The following FXN variants were observed in gnomAD, a reference collection of about 807,000 sequenced individuals.
FXN encodes the protein frataxin, mitochondrial.
Under a neutral mutation model 22.4 loss-of-function variants are expected in FXN, and 14 were observed. The ratio of observed to expected loss-of-function variants is 0.62; its 90% CI spans 0.41 to 0.98. The LOEUF (loss-of-function observed/expected upper bound fraction) is 0.98. FXN is among the 50% of genes least tolerant of loss of function. The pLI is 0.00. For synonymous variants in FXN, 120 were observed against 114.1 expected (o/e 1.05, Z -0.33); for missense variants, 267 against 268.4 (o/e 0.99, Z 0.04).
At chr9:69,053,337 A>T in intron 3 of FXN, 77 bp downstream of exon 3, 4 of 1,476,426 alleles carry the variant, frequency 2.7e-6, no homozygotes, top group Non-Finnish European at 3.8e-6. Context: ...ATTTCCCTCC[A>T]GCAGAGCTAA....
rs1474576230 is a variant in FXN, at chr9:69,077,922, C to T, written c.*5160C>T. 1 of 978,094 alleles carries T rather than the reference C, an allele frequency of 1.0e-6. No homozygotes were observed. The highest frequency in any genetic ancestry group is 6.2e-5 in the Admixed American group (1 of 16,226). The allele number at this position is 978,094 out of a possible 1,614,324, so 60.6% of individuals were successfully genotyped here. On this transcript the variant is annotated 3_prime_UTR_variant, in exon 5 of 5. Transcript: ENST00000484259. ...TCCAGCCTGGGTGACAAGAGGGAAA[C>T]TCCATTAAAAAAATGTAATTCCCGT...
chr9:69,072,820 A>T lies in FXN; in HGVS notation c.*58A>T. The T allele has an allele frequency of 1.2e-6, 2 of 1,611,358 alleles. No individual in the cohort carries two copies. The highest frequency in any genetic ancestry group is 1.1e-5 in the South Asian group (1 of 90,936). On this transcript the variant is annotated 3_prime_UTR_variant, in exon 5 of 5. Coordinates refer to ENST00000484259, the MANE Select transcript of FXN (RefSeq NM_000144.5). ...ATCAGGCCAAGACCCCAGCTTCATT[A>T]TGCAGCTGAGGTCTGTTTTTTGTTG...
At chr9:69,035,970 G>A (rs1357140395) in intron 1 of FXN, 23 bp downstream of exon 1, 3 of 1,418,794 alleles carry the variant, frequency 2.1e-6, no homozygotes, top group Non-Finnish European at 2.7e-6. Flanking sequence ...GCCGGGAACA[G>A]CCGCGGGCCG....
intron 4 of FXN, among the ~76,000 whole-genome samples, chr9:69,067,511 G>A (rs954050006): frequency 9.9e-5 from 15 of 152,186 alleles, no homozygotes; most frequent in Non-Finnish European, 2.2e-4. Context: ...AGTGGCTGCC[G>A]AGCAGTTGGA....
intron 1 of FXN, among the ~76,000 whole-genome samples, chr9:69,042,331 G>A (rs1177563788): frequency 6.6e-6 from 1 of 151,672 alleles, no homozygotes; most frequent in Non-Finnish European, 1.5e-5. Context: ...CCTCCCTTAG[G>A]CAGAGGCGGA....
At position 69,078,533 on chromosome 9, in the gene FXN, C is replaced by T. The variant is rs1832411547; in HGVS notation, c.*5771C>T. On this transcript the variant is annotated 3_prime_UTR_variant, in exon 5 of 5. Coordinates refer to ENST00000484259, the MANE Select transcript of FXN (RefSeq NM_000144.5). ...TCTTGTCTGTAAAACCTAAGCAGGA[C>T]CAAGGCCAAGTTTCTTAGCCTGAAA... 1 of 985,552 alleles carries T rather than the reference C, an allele frequency of 1.0e-6. No individual in the cohort carries two copies. Among genetic ancestry groups the T allele is most frequent in the Non-Finnish European group, 1.2e-6 (1 of 829,944 alleles). The allele number at this position is 985,552 out of a possible 1,614,324, so 61.1% of individuals were successfully genotyped here. A position where few individuals can be genotyped will look rare whatever the true frequency, so the allele number is the denominator to read the frequency against.
chr9:69,075,514 G>A lies in FXN; in HGVS notation c.*2752G>A. 3.0e-6 allele frequency: 3 copies of A among 984,798 alleles called. No individual in the cohort carries two copies. The highest frequency in any genetic ancestry group is 5.2e-4 in the Middle Eastern group (1 of 1,916). The allele number at this position is 984,798 out of a possible 1,614,324, so 61.0% of individuals were successfully genotyped here. The stretch of plus-strand genomic sequence containing the variant: ...TCAAACACATGAACAGCAGCCAGGG[G>A]AAGAATCAAAATCATATTCTGTCAA... On this transcript the variant is annotated 3_prime_UTR_variant, in exon 5 of 5. Coordinates refer to ENST00000484259, the MANE Select transcript of FXN (RefSeq NM_000144.5).
At chr9:69,060,865 C>G (rs184122383) in intron 3 of FXN, among the ~76,000 whole-genome samples, 54 of 152,316 alleles carry the variant, frequency 3.5e-4, no homozygotes, top group South Asian at 1.4e-3. Context: ...CCTGCAGATG[C>G]TAGCATGAAA....
At chr9:69,055,048 A>G (rs1165481986) in intron 3 of FXN, among the ~76,000 whole-genome samples, 2 of 152,264 alleles carry the variant, frequency 1.3e-5, no homozygotes, top group East Asian at 3.8e-4. Flanking sequence ...AGGGAATTGA[A>G]AAAACAAAAA....
chr9:69,043,135 C>T (rs1365394673), intron 1 of FXN, among the ~76,000 whole-genome samples: 1 of 152,198 alleles, frequency 6.6e-6, no homozygotes, highest in African/African-American at 2.4e-5. Context: ...AATGTGAGCT[C>T]CTCCAGGCTC....
chr9:69,042,454 T>C (rs1831674976), intron 1 of FXN, among the ~76,000 whole-genome samples: 1 of 152,206 alleles, frequency 6.6e-6, no homozygotes, highest in Admixed American at 6.5e-5. Flanking sequence ...GTGAGGTTTG[T>C]TGTGAGTACC....
At chr9:69,046,327 A>G in intron 1 of FXN, 58 bp from the exon 2 acceptor site, 1 of 1,270,294 alleles carries the variant, frequency 7.9e-7, no homozygotes, top group Non-Finnish European at 1.1e-6. Flanking sequence ...TAAATTATGC[A>G]TTAATGGGTT....
rs181114629 is a variant in FXN at position 69,041,971 on chromosome 9, G to A, written c.166-4414G>A. ...AAGAACACTCATCATGGCCAGGTGC[G>A]GTGGCTTACGCCTGTAATCCCAGCA... On this transcript the variant is annotated intron_variant, in intron 1 of 4. Transcript: ENST00000484259. Among the ~76,000 whole-genome samples the A allele has an allele frequency of 4.6e-5, 7 of 152,240 alleles. 1 individual carries two copies. The highest frequency in any genetic ancestry group is 2.0e-4 in the Admixed American group (3 of 15,282).
At chr9:69,057,862 T>C (rs1406546662) in intron 3 of FXN, among the ~76,000 whole-genome samples, 1 of 152,140 alleles carries the variant, frequency 6.6e-6, no homozygotes, top group East Asian at 1.9e-4. Context: ...CTCTGTGTTA[T>C]AATTGTCTAT....
intron 3 of FXN, among the ~76,000 whole-genome samples, chr9:69,059,080 A>G (rs1832017710): frequency 1.3e-5 from 2 of 151,998 alleles, no homozygotes; most frequent in Admixed American, 1.3e-4. Context: ...AAAAAAAGAA[A>G]AGAAAAAGGA....
At chr9:69,044,747 G>C (rs1411390901) in intron 1 of FXN, among the ~76,000 whole-genome samples, 2 of 152,092 alleles carry the variant, frequency 1.3e-5, no homozygotes, top group African/African-American at 4.8e-5. Context: ...GCTCTTGTCT[G>C]ATTATTTCCT....
At position 69,076,233 on chromosome 9, in the gene FXN, A is replaced by AG. The variant is rs1832366139; in HGVS notation, c.*3471_*3472insG. On this transcript the variant is annotated 3_prime_UTR_variant, in exon 5 of 5. Coordinates refer to ENST00000484259, the MANE Select transcript of FXN (RefSeq NM_000144.5). ...TGGCCTCATGTTTTTTTTTTTTTTA[A>AG]TCTATAAAATGGAGATATCTAACAT... is the stretch of plus-strand genomic sequence containing the variant. 5 of 766,894 alleles carry AG rather than the reference A, an allele frequency of 6.5e-6. No individual in the cohort carries two copies. Among genetic ancestry groups the AG allele is most frequent in the South Asian group, 6.3e-5 (1 of 15,782 alleles). The allele number at this position is 766,894 out of a possible 1,614,324, so 47.5% of individuals were successfully genotyped here. A position where few individuals can be genotyped will look rare whatever the true frequency, so the allele number is the denominator to read the frequency against.
intron 4 of FXN, among the ~76,000 whole-genome samples, chr9:69,066,204 CTG>C (rs1211678648): frequency 1.8e-4 from 27 of 152,302 alleles, no homozygotes; most frequent in African/African-American, 5.8e-4. Context: ...AGCATGTTGA[CTG>C]TGAATTGGGA....
In FXN at chr9:69,076,010, G is replaced by C; in HGVS notation, c.*3248G>C. On this transcript the variant is annotated 3_prime_UTR_variant, in exon 5 of 5. Coordinates refer to ENST00000484259, the MANE Select transcript of FXN (RefSeq NM_000144.5). ...GTGTGCCACAGGTGTTCATCAGAAA[G>C]CTTTTTCTATTATTTTTACCTTCTT... The C allele has an allele frequency of 1.0e-6, 1 of 983,582 alleles. No individual in the cohort carries two copies. 60.9% of individuals were successfully genotyped at this position (983,582 alleles called of 1,614,324 possible).
Sources: allele counts gnomAD v4.1 joint callset (sites outside exome capture counted in the v4.1 genomes callset), GRCh38; gene constraint gnomAD v4.1.1; transcripts MANE v1.5; gene names NCBI Gene and HGNC (gene_info 2026-07-23, HGNC 2026-07-21).